Variants in ZNF804A observed in about 807,000 individuals in gnomAD.
ZNF804A encodes the protein zinc finger protein 804A.
ZNF804A carries 2 observed loss-of-function variants against 16.5 expected under a neutral mutation model. The ratio of observed to expected loss-of-function variants is 0.12; its 90% CI spans 0.05 to 0.38. The LOEUF (loss-of-function observed/expected upper bound fraction) is 0.38, where lower values mean the gene tolerates loss of function less well. Among genes scored for constraint, ZNF804A ranks in the 10% least tolerant of loss-of-function variants. ZNF804A has a pLI of 0.99. For missense variants in ZNF804A, 1,473 were observed against 1,390.7 expected, an observed-to-expected ratio of 1.06 and a Z score of -0.94; for synonymous variants, 534 against 489.6, an observed-to-expected ratio of 1.09 and a Z score of -1.20.
intron 1 of ZNF804A, among the ~76,000 whole-genome samples, chr2:184,729,859 A>C (rs934024858): frequency 1.3e-5 from 2 of 152,134 alleles, no homozygotes; most frequent in Admixed American, 6.6e-5. Flanking sequence ...GCAAACACAA[A>C]AGTAAATCAC....
intron 1 of ZNF804A, among the ~76,000 whole-genome samples, chr2:184,677,635 T>A (rs1287268154): frequency 6.6e-6 from 1 of 151,918 alleles, no homozygotes; most frequent in Non-Finnish European, 1.5e-5. Context: ...TAACCCCAAA[T>A]CTTTGTCTAT....
intron 1 of ZNF804A, among the ~76,000 whole-genome samples, chr2:184,786,543 C>T (rs933889972): frequency 1.3e-5 from 2 of 151,822 alleles, no homozygotes; most frequent in Admixed American, 6.6e-5. Context: ...TAATTTAGTT[C>T]AGAGCCTGAA....
intron 1 of ZNF804A, among the ~76,000 whole-genome samples, chr2:184,782,736 G>A (rs892599676): frequency 6.8e-6 from 1 of 147,388 alleles, no homozygotes; most frequent in Non-Finnish European, 1.5e-5. Context: ...TCCTTCTAGA[G>A]AAGGATGACT....
rs889290908 is a variant in ZNF804A, at chr2:184,641,279, A to T, written c.111+42209A>T. Among the ~76,000 whole-genome samples, 3 of 152,324 alleles carry T rather than the reference A, an allele frequency of 2.0e-5. No homozygotes were observed. In the East Asian group the frequency reaches 5.8e-4, roughly 29 times the overall value. On this transcript the variant is annotated intron_variant, in intron 1 of 3. Transcript: ENST00000302277. ...ACTTTTAATATTGTACAAATTGCTA[A>T]TATAAAGCTAAACAACTGATATATG...
chr2:184,722,687 T>C (rs1224388008), intron 1 of ZNF804A, among the ~76,000 whole-genome samples: 1 of 152,042 alleles, frequency 6.6e-6, no homozygotes, highest in African/African-American at 2.4e-5. Context: ...TTATGGTTTG[T>C]ATACCTGTAA....
At chr2:184,799,604 C>T (rs1001497847) in intron 1 of ZNF804A, among the ~76,000 whole-genome samples, 1 of 152,134 alleles carries the variant, frequency 6.6e-6, no homozygotes, top group Non-Finnish European at 1.5e-5. Context: ...CTCACTGTAA[C>T]CTCCACCTCC....
chr2:184,740,544 C>A (rs1010709189), intron 1 of ZNF804A, among the ~76,000 whole-genome samples: 1 of 152,052 alleles, frequency 6.6e-6, no homozygotes, highest in Non-Finnish European at 1.5e-5. Context: ...TTATCTTTCC[C>A]TGTGATTAAA....
intron 1 of ZNF804A, among the ~76,000 whole-genome samples, chr2:184,678,155 A>G (rs1233727656): frequency 6.6e-6 from 1 of 152,062 alleles, no homozygotes; most frequent in Non-Finnish European, 1.5e-5. Context: ...AGTTATATGT[A>G]TTTTATAACT....
chr2:184,787,632 C>A (rs1209482414), intron 1 of ZNF804A, among the ~76,000 whole-genome samples: 2 of 151,644 alleles, frequency 1.3e-5, no homozygotes, highest in African/African-American at 4.8e-5. Context: ...TTATGTGTTT[C>A]GTTGGCCACT....
chr2:184,882,834 G>A (rs1200042651), intron 2 of ZNF804A, among the ~76,000 whole-genome samples: 1 of 152,034 alleles, frequency 6.6e-6, no homozygotes. Flanking sequence ...TAAAAAACTA[G>A]AGAGATCTCA....
intron 1 of ZNF804A, among the ~76,000 whole-genome samples, chr2:184,769,461 A>T (rs1188274892): frequency 3.3e-5 from 5 of 152,104 alleles, no homozygotes; most frequent in African/African-American, 1.2e-4. Flanking sequence ...AAATCTAGCA[A>T]GAGCACAGCA....
chr2:184,932,880 C>T (rs1685724961), intron 2 of ZNF804A, among the ~76,000 whole-genome samples: 1 of 152,070 alleles, frequency 6.6e-6, no homozygotes, highest in South Asian at 2.1e-4. Flanking sequence ...TTCTTTAACA[C>T]AGATGAAAGA....
At chr2:184,796,941 A>T (rs1694637795) in intron 1 of ZNF804A, among the ~76,000 whole-genome samples, 1 of 151,832 alleles carries the variant, frequency 6.6e-6, no homozygotes, top group African/African-American at 2.4e-5. Flanking sequence ...GGTTTTGAAT[A>T]TTTTTTTGAG....
intron 1 of ZNF804A, among the ~76,000 whole-genome samples, chr2:184,775,833 C>T (rs1424051045): frequency 6.6e-6 from 1 of 151,546 alleles, no homozygotes; most frequent in Non-Finnish European, 1.5e-5. Flanking sequence ...GGGTACAGCA[C>T]TAGATGTTTG....
intron 2 of ZNF804A, among the ~76,000 whole-genome samples, chr2:184,884,908 A>T (rs1399686034): frequency 6.6e-6 from 1 of 152,186 alleles, no homozygotes; most frequent in African/African-American, 2.4e-5. Flanking sequence ...AAAGAAACAG[A>T]CAACCTGCAG....
intron 1 of ZNF804A, among the ~76,000 whole-genome samples, chr2:184,607,062 T>C (rs1386231131): frequency 2.0e-5 from 3 of 152,238 alleles, no homozygotes; most frequent in African/African-American, 7.2e-5. Context: ...GAAATTTTTC[T>C]GCTATTTTAT....
chr2:184,602,829 G>T (rs1691071032), intron 1 of ZNF804A, among the ~76,000 whole-genome samples: 1 of 151,988 alleles, frequency 6.6e-6, no homozygotes, highest in Non-Finnish European at 1.5e-5. Context: ...CAGATTTCCT[G>T]ACTCCAGACA....
chr2:184,760,993 C>T (rs944349467), intron 1 of ZNF804A, among the ~76,000 whole-genome samples: 4 of 152,046 alleles, frequency 2.6e-5, no homozygotes, highest in Admixed American at 6.6e-5. Flanking sequence ...TTCCTTTTCT[C>T]GGTCATATAA....
At chr2:184,894,876 G>C (rs1685040998) in intron 2 of ZNF804A, among the ~76,000 whole-genome samples, 1 of 151,884 alleles carries the variant, frequency 6.6e-6, no homozygotes, top group African/African-American at 2.4e-5. Flanking sequence ...TTTGTTTTTA[G>C]TAGAGGCGGG....
Sources: allele counts gnomAD v4.1 joint callset (sites outside exome capture counted in the v4.1 genomes callset), GRCh38; gene constraint gnomAD v4.1.1; transcripts MANE v1.5; gene names NCBI Gene and HGNC (gene_info 2026-07-23, HGNC 2026-07-21).